Variants in CDAN1 observed in about 807,000 individuals in gnomAD.
CDAN1 encodes codanin-1.
A neutral mutation model predicts 139.8 loss-of-function variants in CDAN1; 107 were observed. The observed-to-expected ratio is 0.77, with a 90% CI of 0.65 to 0.90. CDAN1 has a LOEUF of 0.90. Ranked by LOEUF, CDAN1 falls within the 40% of genes least tolerant of loss-of-function variation. The pLI is 0.00. For missense variants in CDAN1, 1,667 were observed against 1,575.7 expected, an observed-to-expected ratio of 1.06 and a Z score of -0.98; for synonymous variants, 776 against 660.6, an observed-to-expected ratio of 1.17 and a Z score of -2.68.
At chr15:42,730,437 C>T (rs917993892) in intron 14 of CDAN1, among the ~76,000 whole-genome samples, 161 bp downstream of exon 14, 1 of 152,244 alleles carries the variant, frequency 6.6e-6, no homozygotes, top group Non-Finnish European at 1.5e-5. Context: ...TGATTTCCCA[C>T]TGTACCTCAG....
chr15:42,730,091 A>G, intron 15 of CDAN1, 37 bp downstream of exon 15: 1 of 1,580,262 alleles, frequency 6.3e-7, no homozygotes, highest in African/African-American at 1.3e-5. Context: ...CTTCAGCTGT[A>G]GAACCTCTCT....
rs753673155 is a variant in CDAN1, at chr15:42,729,628, G to C, written c.2353-6C>G. 2 of 1,614,094 alleles carry C rather than the reference G, an allele frequency of 1.2e-6. No individual in the cohort carries two copies. Among genetic ancestry groups the C allele is most frequent in the South Asian group, 2.2e-5 (2 of 91,068 alleles). ...TCCACCACAGGCGCATTGTCCTGGG[G>C]AGAAAAGGTTGGTGTCAGCAGACTG... On this transcript the variant is annotated splice_polypyrimidine_tract_variant and splice_region_variant and intron_variant, in intron 16 of 27. Transcript: ENST00000356231.
rs1474768690 is a variant in CDAN1, at chr15:42,734,303, C to T, written c.1180G>A (p.Glu394Lys). The change falls in exon 7 of 28, where the codon GAG (glutamate) becomes AAG (lysine). Residue 394 changes from glutamate to lysine, a missense_variant. Physicochemically the swap from Glu to Lys is moderately conservative, Grantham distance 56. This residue lies in a region of CDAN1 where 244 missense variants were observed against 309.4 expected (regional missense o/e 0.79). Coordinates refer to ENST00000356231, the MANE Select transcript of CDAN1 (RefSeq NM_138477.4). Reference sequence around the variant, plus strand: ...GAGAAGCACAGCAGCCGCTCATTCTCAGCCAGCAGCTTCAAGGTCCCTTTG... The same window carrying T: ...GAGAAGCACAGCAGCCGCTCATTCTTAGCCAGCAGCTTCAAGGTCCCTTTG... ...LDKGTLKLLAENERLLCFSPA... is the reference protein window; with the variant it reads ...LDKGTLKLLAKNERLLCFSPA... The T allele has an allele frequency of 8.1e-6, 13 of 1,614,042 alleles. No individual in the cohort carries two copies. Among genetic ancestry groups the T allele is most frequent in the Non-Finnish European group, 9.3e-6 (11 of 1,180,050 alleles).
intron 25 of CDAN1, 56 bp from the exon 26 acceptor site, chr15:42,725,726 CTCACACCTA>C: frequency 6.4e-7 from 1 of 1,568,274 alleles, no homozygotes; most frequent in Non-Finnish European, 8.7e-7. Flanking sequence ...GGTGCGGTGA[CTCACACCTA>C]TAATCCCAAC....
In CDAN1 at chr15:42,731,044, G is replaced by A; in HGVS notation, c.1888C>T (p.Leu630Phe). The A allele has an allele frequency of 6.2e-7, 1 of 1,614,206 alleles. No homozygotes were observed. Among genetic ancestry groups the A allele is most frequent in the East Asian group, 2.2e-5 (1 of 44,884 alleles). Residue 630 changes from leucine (L) to phenylalanine (F), a missense_variant, in exon 13 of 28, where the codon CTT (leucine) becomes TTT (phenylalanine). By Grantham distance (22) the Leu-to-Phe change is conservative (BLOSUM62 0). Coordinates refer to ENST00000356231, the MANE Select transcript of CDAN1 (RefSeq NM_138477.4). ...TTAGCCAAAAGTCTCAGGCTAAGAA[G>A]CACCACAGCAAATTGCTTCCGCTCA... ...QGERKQFAVV[L>F]LSLRLLAKFL...
chr15:42,724,884 T>C (rs2140455900), intron 27 of CDAN1: 1 of 607,864 alleles, frequency 1.6e-6, no homozygotes. Flanking sequence ...ATTATTCCCG[T>C]TAAAATCCAG....
Position 42,724,562 on chromosome 15 carries a change from G to A in CDAN1, c.3613C>T (p.Leu1205=). ...CAGGCTCTTAGCTGGGGTTCTGGCA[G>A]GTGGGGCTCGGCTAGAAACAGATTA... ...LSNLFLAEPH[L]PEPQLRACEL... The change falls in exon 28 of 28, where the codon CTG becomes TTG. Residue 1205 remains leucine, a synonymous_variant. Transcript: ENST00000356231. 1 of 1,555,110 alleles carries A rather than the reference G, an allele frequency of 6.4e-7. No homozygotes were observed. The highest frequency in any genetic ancestry group is 1.2e-5 in the South Asian group (1 of 84,282).
At chr15:42,727,894 ACT>A (rs1441095488) in intron 22 of CDAN1, 59 bp downstream of exon 22, 21 of 1,599,404 alleles carry the variant, frequency 1.3e-5, no homozygotes, top group Non-Finnish European at 1.5e-5. Flanking sequence ...GATGCCTCTG[ACT>A]CTCTGCCAGT....
Position 42,731,809 on chromosome 15 carries a change from C to A in CDAN1, c.1550G>T (p.Gly517Val). ...GCCCAAGACGGTGCCCCCAGCACCA[C>A]CAGGGCTCTGACACATCTAGGGTGG... ...KQLLQMCQSP[G>V]GAGGTVLGEA... is the part of the protein sequence containing the mutation. The change falls in exon 11 of 28, where the codon GGT becomes GTT. Residue 517 changes from glycine to valine, a missense_variant. Coordinates refer to ENST00000356231, the MANE Select transcript of CDAN1 (RefSeq NM_138477.4). The A allele has an allele frequency of 6.2e-7, 1 of 1,613,798 alleles. No individual in the cohort carries two copies. The highest frequency in any genetic ancestry group is 8.5e-7 in the Non-Finnish European group (1 of 1,179,924).
At chr15:42,728,864 CTGAAAATTTA>C in intron 19 of CDAN1, 54 bp from the exon 20 acceptor site, 1 of 1,611,750 alleles carries the variant, frequency 6.2e-7, no homozygotes, top group Non-Finnish European at 8.5e-7. Context: ...CGGAAAGAGG[CTGAAAATTTA>C]TGGGAATTTG....
rs1395081239 is a variant in CDAN1, at chr15:42,729,550, G to T, written c.2407+18C>A. ...GGAGGGACAGACCAAGGACCGTCCA[G>T]GGAAGACCGGTGCTCACCGATGTAG... On this transcript the variant is annotated intron_variant, in intron 17 of 27. Transcript: ENST00000356231. 6.2e-7 allele frequency: 1 copy of T among 1,614,144 alleles called. No individual in the cohort carries two copies. The highest frequency in any genetic ancestry group is 1.7e-5 in the Admixed American group (1 of 60,028).
intron 11 of CDAN1, 34 bp from the exon 12 acceptor site, chr15:42,731,365 G>A: frequency 6.2e-7 from 1 of 1,612,124 alleles, no homozygotes; most frequent in Non-Finnish European, 8.5e-7. Context: ...CATAAGCACT[G>A]GAAGAGGTAC....
Position 42,724,588 on chromosome 15 carries a change from G to A in CDAN1, c.3587C>T (p.Ser1196Phe), listed in dbSNP as rs2061498585. Reference sequence around the variant, plus strand: ...GTGGGGCTCGGCTAGAAACAGATTAGACAGTGTTGCTAATTCTTCAGCAAA... The same window carrying A: ...GTGGGGCTCGGCTAGAAACAGATTAAACAGTGTTGCTAATTCTTCAGCAAA... ...GDFAEELATL[S>F]NLFLAEPHLP... Residue 1196 changes from serine (S) to phenylalanine (F), a missense_variant, in exon 28 of 28, where the codon TCT (serine) becomes TTT (phenylalanine). Ser to Phe is a radical substitution (Grantham distance 155, BLOSUM62 -2). Transcript: ENST00000356231. 2 of 1,552,198 alleles carry A rather than the reference G, an allele frequency of 1.3e-6. No individual in the cohort carries two copies. Among genetic ancestry groups the A allele is most frequent in the African/African-American group, 1.4e-5 (1 of 73,070 alleles).
intron 10 of CDAN1, 56 bp from the exon 11 acceptor site, chr15:42,731,881 A>T (rs1052311788): frequency 4.0e-6 from 6 of 1,495,738 alleles, no homozygotes; most frequent in Middle Eastern, 1.7e-4. Flanking sequence ...GGAGGGAAGG[A>T]CTGAACAAAA....
At position 42,730,633 on chromosome 15, in the gene CDAN1, G is replaced by C; in HGVS notation, c.2139C>G (p.Tyr713Ter). ...ADHVVPLLEY[Y>*]RDIFTLLLRL... ...GCAGCAGGAGAGTGAAGATGTCCCG[G>C]TAATATTCCAGCAAGGGAACAACAT... is the stretch of plus-strand genomic sequence containing the variant. The change falls in exon 14 of 28, where the codon TAC becomes TAG. Residue 713 changes from tyrosine (Y) to a stop codon, truncating the protein, a stop_gained. Transcript: ENST00000356231. LOFTEE classifies it high-confidence loss of function. The C allele has an allele frequency of 6.2e-7, 1 of 1,614,186 alleles. No homozygotes were observed. The highest frequency in any genetic ancestry group is 8.5e-7 in the Non-Finnish European group (1 of 1,180,034).
intron 9 of CDAN1, among the ~76,000 whole-genome samples, chr15:42,732,623 T>C (rs1336627267): frequency 6.6e-6 from 1 of 151,946 alleles, no homozygotes; most frequent in African/African-American, 2.4e-5. Context: ...AAACAAGAAA[T>C]CATGCGACCA....
chr15:42,735,706 A>G (rs768663785), intron 3 of CDAN1, 27 bp from the exon 4 acceptor site: 4 of 1,613,250 alleles, frequency 2.5e-6, no homozygotes, highest in Non-Finnish European at 3.4e-6. Flanking sequence ...TTTCATGAGC[A>G]GTCAGCTTGG....
chr15:42,727,171 T>C (rs2061539590), intron 23 of CDAN1: 1 of 159,128 alleles, frequency 6.3e-6, no homozygotes, highest in African/African-American at 2.4e-5. Context: ...ACTCCTGCTC[T>C]AGAGAGTCTT....
chr15:42,728,509 C>T, intron 20 of CDAN1, 143 bp downstream of exon 20: 1 of 1,253,690 alleles, frequency 8.0e-7, no homozygotes, highest in Non-Finnish European at 1.1e-6. Flanking sequence ...ACAGCCAGTG[C>T]AGGGCTTATA....
Sources: allele counts gnomAD v4.1 joint callset (sites outside exome capture counted in the v4.1 genomes callset), GRCh38; gene constraint gnomAD v4.1.1; regional missense constraint gnomAD v4.1.1; transcripts MANE v1.5; gene names NCBI Gene and HGNC (gene_info 2026-07-23, HGNC 2026-07-21).